ROS1: variants seen among roughly 807,000 people sequenced by gnomAD.
The protein encoded by ROS1 is proto-oncogene tyrosine-protein kinase ROS.
In ROS1, 263 loss-of-function variants were observed where a neutral mutation model predicts 273.5. The observed-to-expected ratio is 0.96, with a 90% CI of 0.87 to 1.06. The LOEUF (loss-of-function observed/expected upper bound fraction) is 1.06, where lower values mean the gene tolerates loss of function less well. Ranked by LOEUF, ROS1 falls within the 50% of genes least tolerant of loss-of-function variation. The probability of loss-of-function intolerance (pLI) is 0.00; values close to 1 mark genes in which losing one functional copy is unlikely to be tolerated. For missense variants in ROS1, 2,833 were observed against 2,751.1 expected (o/e 1.03, Z -0.67); for synonymous variants, 1,008 against 954.1 (o/e 1.06, Z -1.04).
intron 18 of ROS1, among the ~76,000 whole-genome samples, chr6:117,372,718 G>A (rs1437626720): frequency 6.6e-6 from 1 of 152,242 alleles, no homozygotes; most frequent in Non-Finnish European, 1.5e-5. Flanking sequence ...CCTCAGGAGT[G>A]AAGCTGTAGA....
At chr6:117,361,456 CA>C (rs987971124) in intron 22 of ROS1, among the ~76,000 whole-genome samples, 7 of 148,782 alleles carry the variant, frequency 4.7e-5, no homozygotes, top group Non-Finnish European at 8.9e-5. Context: ...TACTTTTGTA[CA>C]AAACTGTGTT....
intron 6 of ROS1, 110 bp from the exon 7 acceptor site, chr6:117,403,387 A>G: frequency 4.7e-6 from 5 of 1,074,958 alleles, no homozygotes; most frequent in Non-Finnish European, 6.7e-6. Context: ...GAGAAGATGA[A>G]ATAAGAGGCC....
chr6:117,403,329 TG>T, intron 6 of ROS1, 52 bp from the exon 7 acceptor site: 1 of 1,569,134 alleles, frequency 6.4e-7, no homozygotes, highest in South Asian at 1.2e-5. Flanking sequence ...CACCCCACAT[TG>T]GGACTAAAAA....
chr6:117,347,205 A>G (rs867547437), intron 27 of ROS1, among the ~76,000 whole-genome samples: 27 of 152,276 alleles, frequency 1.8e-4, no homozygotes, highest in African/African-American at 6.5e-4. Flanking sequence ...GACATGGAAT[A>G]TCTCTATACT....
In ROS1 at chr6:117,287,937, TA is replaced by T. The variant is rs1436718847; in HGVS notation, c.*554del. 2.8e-5 allele frequency among the ~76,000 whole-genome samples: 4 copies of T among 145,332 alleles called. No individual in the cohort carries two copies. Among genetic ancestry groups the T allele is most frequent in the East Asian group, 2.0e-4 (1 of 5,078 alleles). ...CGTCTCAAAAAAAAAAAAAAAAAAT[TA>T]AAAAAAGATAATATATATATCATTG... On this transcript the variant is annotated 3_prime_UTR_variant, in exon 44 of 44. Transcript: ENST00000368507.
At position 117,362,589 on chromosome 6, in the gene ROS1, T is replaced by C; in HGVS notation, c.3366+14A>G. ...CTATTAAGACTCTCATATCTTCTGT[T>C]TTCTCTCTCATACCTGGAAGGCAAT... is the stretch of plus-strand genomic sequence containing the variant. On this transcript the variant is annotated intron_variant, in intron 22 of 43. Coordinates refer to ENST00000368507, the MANE Select transcript of ROS1 (RefSeq NM_001378902.1). 1.9e-6 allele frequency: 3 copies of C among 1,608,150 alleles called. No homozygotes were observed. The highest frequency in any genetic ancestry group is 1.7e-4 in the Middle Eastern group (1 of 6,018).
At chr6:117,401,371 T>C (rs72965335) in intron 7 of ROS1, among the ~76,000 whole-genome samples, 20,971 of 152,200 alleles carry the variant, frequency 0.14, 1,725 homozygotes, top group Middle Eastern at 0.25. Context: ...GAATAAAATC[T>C]GTACTCCTTA....
At chr6:117,404,118 G>T (rs1774189301) in intron 6 of ROS1, among the ~76,000 whole-genome samples, 162 bp downstream of exon 6, 1 of 152,148 alleles carries the variant, frequency 6.6e-6, no homozygotes, top group Admixed American at 6.5e-5. Context: ...GCCTGTGGGC[G>T]GCTGAGGCAG....
intron 4 of ROS1, among the ~76,000 whole-genome samples, chr6:117,413,234 G>A (rs1165223480): frequency 6.6e-6 from 1 of 152,146 alleles, no homozygotes; most frequent in Non-Finnish European, 1.5e-5. Context: ...CCAGTTTCAA[G>A]GATATTTAAA....
At chr6:117,361,483 A>G (rs1486206800) in intron 22 of ROS1, among the ~76,000 whole-genome samples, 8 of 148,666 alleles carry the variant, frequency 5.4e-5, no homozygotes, top group African/African-American at 1.7e-4. Context: ...AAACTCATAC[A>G]TATCCATGCA....
In ROS1 at chr6:117,409,644, T is replaced by C. The variant is rs1364364528; in HGVS notation, c.256-2A>G. On this transcript the variant is annotated splice_acceptor_variant, in intron 4 of 43. Coordinates refer to ENST00000368507, the MANE Select transcript of ROS1 (RefSeq NM_001378902.1). LOFTEE classifies it high-confidence loss of function. The stretch of plus-strand genomic sequence containing the variant: ...ACAGCCAACCTCACACGACTCCCGC[T>C]GTGGAAGACAGGGAGCATGACAGTC... The C allele has an allele frequency of 6.2e-7, 1 of 1,613,710 alleles. No individual in the cohort carries two copies. The highest frequency in any genetic ancestry group is 8.5e-7 in the Non-Finnish European group (1 of 1,179,684).
intron 17 of ROS1, among the ~76,000 whole-genome samples, chr6:117,381,293 G>T (rs1772122836): frequency 6.7e-6 from 1 of 149,832 alleles, no homozygotes; most frequent in South Asian, 2.1e-4. Flanking sequence ...TGGATGAATT[G>T]TACAGCTGTA....
At position 117,403,178 on chromosome 6, in the gene ROS1, A is replaced by T; in HGVS notation, c.565T>A (p.Ser189Thr). The T allele has an allele frequency of 6.2e-7, 1 of 1,613,606 alleles. No homozygotes were observed. The change falls in exon 7 of 44, where the codon TCC (serine) becomes ACC (threonine). Residue 189 changes from serine (S) to threonine (T), a missense_variant. By Grantham distance (58) the Ser-to-Thr change is moderately conservative. Transcript: ENST00000368507. ...WIFTAQLQLY[S>T]PPSPSYRTHP... ...GTCCTGTAACTGGGACTTGGAGGGGAGTAGAGCTGCAGCTGCGCTGTGAAG... is the reference window on the plus strand; with the variant it reads ...GTCCTGTAACTGGGACTTGGAGGGGTGTAGAGCTGCAGCTGCGCTGTGAAG...
chr6:117,383,367 C>G lies in ROS1; in HGVS notation c.2431G>C (p.Gly811Arg). The G allele has an allele frequency of 6.2e-7, 1 of 1,614,038 alleles. No individual in the cohort carries two copies. Among genetic ancestry groups the G allele is most frequent in the East Asian group, 2.2e-5 (1 of 44,876 alleles). ...GTCTGTAGTACAAGGGAACTTTCCCCATTTAGTCTGGTGCTTTCCACTGAA... is the reference window on the plus strand; with the variant it reads ...GTCTGTAGTACAAGGGAACTTTCCCGATTTAGTCTGGTGCTTTCCACTGAA... Reference protein sequence around the residue: ...LYSVESTRLNGESSLVLQTQP... With the variant: ...LYSVESTRLNRESSLVLQTQP... The change falls in exon 17 of 44, where the codon GGG becomes CGG. Residue 811 changes from glycine to arginine, a missense_variant. Coordinates refer to ENST00000368507, the MANE Select transcript of ROS1 (RefSeq NM_001378902.1).
intron 28 of ROS1, among the ~76,000 whole-genome samples, 197 bp downstream of exon 28, chr6:117,343,863 G>T (rs1778145854): frequency 6.6e-6 from 1 of 152,138 alleles, no homozygotes; most frequent in Admixed American, 6.5e-5. Flanking sequence ...GGCAAGAGTT[G>T]ATATACTTCC....
Position 117,324,347 on chromosome 6 carries a change from T to C in ROS1, c.5608A>G (p.Ile1870Val), listed in dbSNP as rs1317756919. Residue 1870 changes from isoleucine to valine, a missense_variant, in exon 35 of 44, where the codon ATC (isoleucine) becomes GTC (valine). Ile to Val is a conservative substitution (Grantham distance 29). Coordinates refer to ENST00000368507, the MANE Select transcript of ROS1 (RefSeq NM_001378902.1). ...IIVGIFLVVT[I>V]PLTFVWHRRL... is the part of the protein sequence containing the mutation. ...TTATACTTACCAAAGGTCAGTGGGA[T>C]TGTAACAACCAGAAATATTCCAACT... 2 of 1,520,306 alleles carry C rather than the reference T, an allele frequency of 1.3e-6. No homozygotes were observed. Among genetic ancestry groups the C allele is most frequent in the Admixed American group, 1.8e-5 (1 of 55,896 alleles). 94.2% of individuals were successfully genotyped at this position (1,520,306 alleles called of 1,614,324 possible).
chr6:117,385,599 A>T (rs1772503064), intron 16 of ROS1, 84 bp downstream of exon 16: 3 of 1,103,160 alleles, frequency 2.7e-6, no homozygotes, highest in Admixed American at 4.9e-5. Flanking sequence ...CAGGTATTTA[A>T]AAAAAAAAAA....
In ROS1 at chr6:117,385,881, T is replaced by G; in HGVS notation, c.2111-20A>C. On this transcript the variant is annotated intron_variant, in intron 15 of 43. Transcript: ENST00000368507. ...CCATGTCTCAAAATAAAGTGAATGA[T>G]TAGCAGTTATTTTTCATACATACCA... 6.2e-7 allele frequency: 1 copy of G among 1,605,748 alleles called. No individual in the cohort carries two copies.
intron 41 of ROS1, among the ~76,000 whole-genome samples, chr6:117,309,137 A>G (rs1562257491): frequency 6.6e-6 from 1 of 152,188 alleles, no homozygotes; most frequent in Non-Finnish European, 1.5e-5. Context: ...TTCAAAGGTG[A>G]TAGGAAGGCT....
Sources: gnomAD v4.1 joint callset for allele counts (sites outside exome capture counted in the v4.1 genomes callset) on GRCh38, gnomAD v4.1.1 for gene constraint, MANE v1.5 for transcripts, NCBI Gene and HGNC (gene_info 2026-07-23, HGNC 2026-07-21) for gene names.